Variants in BMPR1B observed in about 807,000 individuals in gnomAD.
BMPR1B encodes bone morphogenetic protein receptor type-1B.
In BMPR1B, 12 loss-of-function variants were observed where a neutral mutation model predicts 59.1. The observed-to-expected ratio is 0.20, with a 90% CI of 0.13 to 0.33. The LOEUF (loss-of-function observed/expected upper bound fraction) is 0.33. Among genes scored for constraint, BMPR1B ranks in the 10% least tolerant of loss-of-function variants. BMPR1B has a pLI of 1.00. For missense variants in BMPR1B, 550 were observed against 610.9 expected (o/e 0.90, Z 1.05); for synonymous variants, 237 against 207.3 (o/e 1.14, Z -1.23).
intron 6 of BMPR1B, among the ~76,000 whole-genome samples, chr4:95,122,448 C>G (rs1018834166): frequency 6.6e-6 from 1 of 151,996 alleles, no homozygotes; most frequent in East Asian, 1.9e-4. Flanking sequence ...GATATGCTGT[C>G]TGATCACTGT....
At chr4:94,856,292 A>G (rs951953700) in intron 1 of BMPR1B, among the ~76,000 whole-genome samples, 5 of 152,052 alleles carry the variant, frequency 3.3e-5, no homozygotes, top group Non-Finnish European at 7.3e-5. Flanking sequence ...TTTTCTGAGG[A>G]TGCTGTAGCA....
intron 3 of BMPR1B, among the ~76,000 whole-genome samples, chr4:95,016,159 C>T (rs1365945054): frequency 2.6e-5 from 4 of 152,134 alleles, no homozygotes; most frequent in African/African-American, 9.7e-5. Context: ...GTAAAAACTG[C>T]AATTTTGAAA....
chr4:95,056,399 T>C (rs1289721686), intron 3 of BMPR1B, among the ~76,000 whole-genome samples: 2 of 152,182 alleles, frequency 1.3e-5, no homozygotes, highest in East Asian at 3.9e-4. Context: ...TTACATTCTT[T>C]TGATGATTAG....
At chr4:94,803,634 A>G (rs1276506496) in intron 1 of BMPR1B, among the ~76,000 whole-genome samples, 1 of 152,174 alleles carries the variant, frequency 6.6e-6, no homozygotes, top group African/African-American at 2.4e-5. Context: ...GAGATGGGAA[A>G]GAGAGGATAA....
At chr4:94,807,519 T>TG (rs1291432332) in intron 1 of BMPR1B, among the ~76,000 whole-genome samples, 1 of 152,136 alleles carries the variant, frequency 6.6e-6, no homozygotes, top group Non-Finnish European at 1.5e-5. Context: ...AATTTTAACT[T>TG]TAAGTAGTGA....
At chr4:94,909,090 G>C (rs868006128) in intron 2 of BMPR1B, among the ~76,000 whole-genome samples, 4 of 152,002 alleles carry the variant, frequency 2.6e-5, no homozygotes, top group Non-Finnish European at 5.9e-5. Context: ...CATCACTCCA[G>C]TCTCTGCTTT....
intron 1 of BMPR1B, among the ~76,000 whole-genome samples, chr4:94,850,545 T>C (rs1578719165): frequency 6.6e-6 from 1 of 152,342 alleles, no homozygotes; most frequent in East Asian, 1.9e-4. Context: ...CTGTGATTTG[T>C]TGCCTATGTT....
At chr4:94,854,150 A>T (rs1030501404) in intron 1 of BMPR1B, among the ~76,000 whole-genome samples, 1 of 151,992 alleles carries the variant, frequency 6.6e-6, no homozygotes, top group Non-Finnish European at 1.5e-5. Context: ...AAGCCCCAAG[A>T]TGCCTCATCT....
At chr4:94,976,461 C>T (rs1308342281) in intron 2 of BMPR1B, among the ~76,000 whole-genome samples, 3 of 152,106 alleles carry the variant, frequency 2.0e-5, no homozygotes, top group Non-Finnish European at 4.4e-5. Context: ...TGCCACAGTC[C>T]ATCCTCTAAC....
chr4:95,153,431 CA>C (rs1467940136), intron 12 of BMPR1B, among the ~76,000 whole-genome samples: 1 of 152,034 alleles, frequency 6.6e-6, no homozygotes, highest in African/African-American at 2.4e-5. Context: ...AGTTCTCTGG[CA>C]GACTGGAATG....
intron 2 of BMPR1B, among the ~76,000 whole-genome samples, chr4:94,920,372 T>C (rs1010990081): frequency 6.6e-6 from 1 of 152,224 alleles, no homozygotes; most frequent in African/African-American, 2.4e-5. Context: ...ATTATATTAA[T>C]TATACAGCTA....
chr4:94,921,657 T>C (rs72889518), intron 2 of BMPR1B, among the ~76,000 whole-genome samples: 5,643 of 152,200 alleles, frequency 0.037, 342 homozygotes, highest in African/African-American at 0.13. Context: ...CCTGCCCCCT[T>C]GATCCACTCA....
intron 4 of BMPR1B, among the ~76,000 whole-genome samples, chr4:95,108,999 C>G (rs1464410214): frequency 1.3e-5 from 2 of 152,012 alleles, no homozygotes; most frequent in African/African-American, 2.4e-5. Flanking sequence ...GTTATCTCAG[C>G]CTTGTTTATA....
intron 2 of BMPR1B, among the ~76,000 whole-genome samples, chr4:94,976,370 G>C (rs977012603): frequency 6.6e-6 from 1 of 152,160 alleles, no homozygotes; most frequent in Non-Finnish European, 1.5e-5. Flanking sequence ...TAGACTCCAA[G>C]GCTTGAGTGT....
intron 3 of BMPR1B, among the ~76,000 whole-genome samples, chr4:95,068,751 A>G (rs182466507): frequency 6.6e-6 from 1 of 152,140 alleles, no homozygotes; most frequent in African/African-American, 2.4e-5. Context: ...TTATTTCACA[A>G]CCCCAGTCAC....
chr4:94,801,484 C>T (rs1723404905), intron 1 of BMPR1B, among the ~76,000 whole-genome samples: 1 of 152,194 alleles, frequency 6.6e-6, no homozygotes, highest in Non-Finnish European at 1.5e-5. Context: ...TCTTCCCTAC[C>T]ATATCTTCTG....
At chr4:95,110,831 C>T (rs1245680936) in intron 4 of BMPR1B, among the ~76,000 whole-genome samples, 1 of 152,200 alleles carries the variant, frequency 6.6e-6, no homozygotes, top group Non-Finnish European at 1.5e-5. Context: ...AAGTGTAAAA[C>T]ATACCACTGT....
chr4:95,152,574 T>C (rs569231745), intron 11 of BMPR1B, 69 bp from the exon 12 acceptor site: 728 of 1,385,256 alleles, frequency 5.3e-4, no homozygotes, highest in Non-Finnish European at 5.6e-4. Context: ...TTGAGAACTG[T>C]GTTAGACTTT....
At chr4:95,092,152 A>G (rs1730042112) in intron 3 of BMPR1B, among the ~76,000 whole-genome samples, 1 of 152,136 alleles carries the variant, frequency 6.6e-6, no homozygotes, top group Non-Finnish European at 1.5e-5. Flanking sequence ...TATAAATGTA[A>G]TGATTTAGAT....
Sources: allele counts gnomAD v4.1 joint callset (sites outside exome capture counted in the v4.1 genomes callset), GRCh38; gene constraint gnomAD v4.1.1; transcripts MANE v1.5; gene names NCBI Gene and HGNC (gene_info 2026-07-23, HGNC 2026-07-21).